UTP15: variants seen among roughly 807,000 people sequenced by gnomAD.
UTP15 encodes UTP15 small subunit processome component, also known as U3 small nucleolar RNA-associated protein 15 homolog.
In UTP15, 5 loss-of-function variants were observed where a neutral mutation model predicts 59.1. The ratio of observed to expected loss-of-function variants is 0.08; its 90% CI spans 0.04 to 0.18. UTP15 has a LOEUF of 0.18. Among genes scored for constraint, UTP15 ranks in the 10% least tolerant of loss-of-function variants. The pLI is 1.00. For synonymous variants in UTP15, 211 were observed against 212.2 expected, an observed-to-expected ratio of 0.99 and a Z score of 0.05; for missense variants, 494 against 616.7, an observed-to-expected ratio of 0.80 and a Z score of 2.11.
At chr5:73,569,711 C>A (rs1247371701) in intron 5 of UTP15, 36 bp downstream of exon 5, 11 of 1,501,512 alleles carry the variant, frequency 7.3e-6, no homozygotes, top group African/African-American at 1.4e-5. Context: ...AGCAAATAAT[C>A]TCACGGGGAT....
chr5:73,570,831 A>G, intron 6 of UTP15, 120 bp downstream of exon 6: 2 of 1,375,758 alleles, frequency 1.5e-6, no homozygotes, highest in South Asian at 1.3e-5. Context: ...TCTTTGTTCA[A>G]ACAGTTGATA....
chr5:73,579,900 C>A lies in UTP15; in HGVS notation c.1363C>A (p.Gln455Lys). ...AGATATATATCTGCCTGTAATTGGT[C>A]AGTCCCCTGTAGTTGATAAAAAGTT... is the stretch of plus-strand genomic sequence containing the variant. ...IIDIYLPVIGQSPVVDKKFLL... is the reference protein window; with the variant it reads ...IIDIYLPVIGKSPVVDKKFLL... Residue 455 changes from glutamine to lysine, a missense_variant, in exon 13 of 13, where the codon CAG becomes AAG. Physicochemically the swap from Gln to Lys is moderately conservative, Grantham distance 53 (BLOSUM62 1). Transcript: ENST00000296792. The A allele has an allele frequency of 1.9e-6, 3 of 1,609,830 alleles. No homozygotes were observed. In the South Asian group the frequency reaches 3.3e-5, roughly 18 times the overall value.
chr5:73,569,704 A>C, intron 5 of UTP15, 29 bp downstream of exon 5: 2 of 1,523,662 alleles, frequency 1.3e-6, no homozygotes, highest in East Asian at 2.4e-5. Context: ...CTCCTGAAGC[A>C]AATAATCTCA....
chr5:73,572,082 T>C (rs1451356908), intron 6 of UTP15, among the ~76,000 whole-genome samples: 2 of 152,176 alleles, frequency 1.3e-5, no homozygotes, highest in Non-Finnish European at 2.9e-5. Flanking sequence ...AAGATTTCAG[T>C]CTCCCCTTCC....
rs1417679250 is a variant in UTP15, at chr5:73,567,268, G to A, written c.-77G>A. ...AAAATATTTTATTTTTCAGAATTAA[G>A]GCAGAGTCACTGTAATTATTTCTAA... On this transcript the variant is annotated 5_prime_UTR_variant, in exon 2 of 13. Coordinates refer to ENST00000296792, the MANE Select transcript of UTP15 (RefSeq NM_032175.4). The A allele has an allele frequency of 1.0e-5, 9 of 892,630 alleles. No individual in the cohort carries two copies. In the East Asian group the frequency reaches 2.4e-4, roughly 24 times the overall value. The allele number at this position is 892,630 out of a possible 1,614,324, so 55.3% of individuals were successfully genotyped here. A position where few individuals can be genotyped will look rare whatever the true frequency, so the allele number is the denominator to read the frequency against.
At chr5:73,565,741 G>C (rs988474752), upstream of UTP15, 2 of 456,056 alleles carry the variant, frequency 4.4e-6, no homozygotes, top group African/African-American at 4.0e-5. Context: ...GCGTGCTCTG[G>C]TACGTCATCT....
intron 7 of UTP15, among the ~76,000 whole-genome samples, chr5:73,574,599 C>T (rs986862144): frequency 4.6e-5 from 7 of 151,754 alleles, no homozygotes; most frequent in African/African-American, 9.7e-5. Context: ...GCGATCCCCT[C>T]GCCTCAGCTT....
rs1016755435 is a variant in UTP15 at position 73,581,385 on chromosome 5, A to T, written c.*1291A>T. ...TATTTTTTTATAAAGAGAGATTCTT[A>T]TTTTCTTGGCTTTTTGATGTATCTG... On this transcript the variant is annotated 3_prime_UTR_variant, in exon 13 of 13. Coordinates refer to ENST00000296792, the MANE Select transcript of UTP15 (RefSeq NM_032175.4). The T allele has an allele frequency of 6.6e-6, 1 of 151,990 alleles. No individual in the cohort carries two copies. The highest frequency in any genetic ancestry group is 2.4e-5 in the African/African-American group (1 of 41,374). 9.4% of individuals were successfully genotyped at this position (151,990 alleles called of 1,614,324 possible). A position where few individuals can be genotyped will look rare whatever the true frequency, so the allele number is the denominator to read the frequency against.
intron 12 of UTP15, 79 bp downstream of exon 12, chr5:73,579,454 G>T (rs1408062471): frequency 8.9e-7 from 1 of 1,120,544 alleles, no homozygotes; most frequent in Non-Finnish European, 1.3e-6. Flanking sequence ...TGGAAATCAA[G>T]TAGATCAAAA....
rs1378069909 is a variant in UTP15 at position 73,565,791 on chromosome 5, T to C, written c.-205T>C. On this transcript the variant is annotated 5_prime_UTR_variant, in exon 1 of 13. Coordinates refer to ENST00000296792, the MANE Select transcript of UTP15 (RefSeq NM_032175.4). ...GTTCGCTGTGTGTGTCGCCGGCTCC[T>C]TGAGGGTCCATGTGATTTTTACGCC... 1 of 456,306 alleles carries C rather than the reference T, an allele frequency of 2.2e-6. No homozygotes were observed. Among genetic ancestry groups the C allele is most frequent in the Non-Finnish European group, 4.4e-6 (1 of 226,956 alleles). 28.3% of individuals were successfully genotyped at this position (456,306 alleles called of 1,614,324 possible).
chr5:73,575,605 C>G (rs985957041), intron 7 of UTP15, among the ~76,000 whole-genome samples: 34 of 151,600 alleles, frequency 2.2e-4, no homozygotes, highest in African/African-American at 7.5e-4. Context: ...TCAAGTTGCC[C>G]AGGCTGGTCT....
chr5:73,574,269 C>G (rs1374199074), intron 7 of UTP15, among the ~76,000 whole-genome samples: 1 of 151,734 alleles, frequency 6.6e-6, no homozygotes, highest in Non-Finnish European at 1.5e-5. Context: ...TTGCAGTGAG[C>G]TGTGATAGTA....
rs761925354 is a variant in UTP15 at position 73,565,769 on chromosome 5, C to G, written c.-227C>G. On this transcript the variant is annotated 5_prime_UTR_variant, in exon 1 of 13. Transcript: ENST00000296792. ...CGTCATCTTCGCGCGACGTTCGGTT[C>G]GCTGTGTGTGTCGCCGGCTCCTTGA... The G allele has an allele frequency of 6.6e-6, 3 of 456,148 alleles. No homozygotes were observed. The highest frequency in any genetic ancestry group is 1.3e-5 in the Non-Finnish European group (3 of 226,970). 28.3% of individuals were successfully genotyped at this position (456,148 alleles called of 1,614,324 possible).
intron 7 of UTP15, among the ~76,000 whole-genome samples, chr5:73,575,357 C>T (rs1257931327): frequency 6.6e-6 from 1 of 152,072 alleles, no homozygotes; most frequent in African/African-American, 2.4e-5. Flanking sequence ...GAACGTTTGA[C>T]AATATCTTGA....
intron 4 of UTP15, 122 bp from the exon 5 acceptor site, chr5:73,569,375 A>G (rs746846678): frequency 5.7e-6 from 4 of 707,234 alleles, no homozygotes; most frequent in East Asian, 3.2e-5. Context: ...ATTTCCCCCT[A>G]TGAAGACTCC....
rs1748284933 is a variant in UTP15, at chr5:73,580,960, C to T, written c.*866C>T. Reference sequence around the variant, plus strand: ...TTTAGATTCCTCCCCCCATTATTCACAATCATATTGTATTTCGGAACCCCA... The same window carrying T: ...TTTAGATTCCTCCCCCCATTATTCATAATCATATTGTATTTCGGAACCCCA... On this transcript the variant is annotated 3_prime_UTR_variant, in exon 13 of 13. Coordinates refer to ENST00000296792, the MANE Select transcript of UTP15 (RefSeq NM_032175.4). 1.3e-5 allele frequency: 2 copies of T among 152,148 alleles called. No homozygotes were observed. Among genetic ancestry groups the T allele is most frequent in the Middle Eastern group, 3.4e-3 (1 of 292 alleles). 9.4% of individuals were successfully genotyped at this position (152,148 alleles called of 1,614,324 possible). A position where few individuals can be genotyped will look rare whatever the true frequency, so the allele number is the denominator to read the frequency against.
Position 73,577,028 on chromosome 5 carries a change from G to T in UTP15, c.886G>T (p.Ala296Ser). ...FDYAASILSL[A>S]LAHEDETIVV... ...TTATGCAGCTTCAATTTTGAGTCTT[G>T]CCCTTGCAGTAAGTACCTTTACCTA... The change falls in exon 8 of 13, where the codon GCC (alanine) becomes TCC (serine). Residue 296 changes from alanine to serine, a missense_variant. Physicochemically the swap from Ala to Ser is moderately conservative, Grantham distance 99 (BLOSUM62 1). Coordinates refer to ENST00000296792, the MANE Select transcript of UTP15 (RefSeq NM_032175.4). The T allele has an allele frequency of 1.2e-6, 2 of 1,609,200 alleles. No individual in the cohort carries two copies. Among genetic ancestry groups the T allele is most frequent in the Non-Finnish European group, 1.7e-6 (2 of 1,178,420 alleles).
At chr5:73,578,047 G>GT in intron 9 of UTP15, 42 bp downstream of exon 9, 1 of 1,563,194 alleles carries the variant, frequency 6.4e-7, no homozygotes, top group East Asian at 2.4e-5. Context: ...GGTGAAATTT[G>GT]TTAGAGTAGC....
At position 73,577,988 on chromosome 5, in the gene UTP15, A is replaced by C. The variant is rs567337896; in HGVS notation, c.1027A>C (p.Asn343His). The change falls in exon 9 of 13, where the codon AAT (asparagine) becomes CAT (histidine). Residue 343 changes from asparagine to histidine, a missense_variant. Asn to His is a moderately conservative substitution (Grantham distance 68). Coordinates refer to ENST00000296792, the MANE Select transcript of UTP15 (RefSeq NM_032175.4). Reference sequence around the variant, plus strand: ...ATATCGAACCTTTATTAAAGGAAAAAATTACATGAAGCAACGGGTATTTGT... The same window carrying C: ...ATATCGAACCTTTATTAAAGGAAAACATTACATGAAGCAACGGGTATTTGT... ...PAYRTFIKGK[N>H]YMKQRDDILI... is the part of the protein sequence containing the mutation. 124 of 1,581,038 alleles carry C rather than the reference A, an allele frequency of 7.8e-5. 1 individual carries two copies. In the South Asian group the frequency reaches 1.4e-3, roughly 18 times the overall value.
Sources: allele counts gnomAD v4.1 joint callset (sites outside exome capture counted in the v4.1 genomes callset), GRCh38; gene constraint gnomAD v4.1.1; transcripts MANE v1.5; gene names NCBI Gene and HGNC (gene_info 2026-07-23, HGNC 2026-07-21).